The following SEMA5A variants were observed in gnomAD, a reference collection of about 807,000 sequenced individuals.
The protein encoded by SEMA5A is semaphorin 5A.
In SEMA5A, 55 loss-of-function variants were observed where a neutral mutation model predicts 135.5. The ratio of observed to expected loss-of-function variants is 0.41; its 90% confidence interval spans 0.33 to 0.51. SEMA5A has a LOEUF of 0.51. Among genes scored for constraint, SEMA5A ranks in the 20% least tolerant of loss-of-function variants. SEMA5A has a pLI of 0.37. For synonymous variants in SEMA5A, 580 were observed against 546.5 expected (o/e 1.06, Z -0.85); for missense variants, 1,290 against 1,419.9 (o/e 0.91, Z 1.47).
At chr5:9,077,347 G>A (rs182324932) in intron 16 of SEMA5A, among the ~76,000 whole-genome samples, 224 of 152,240 alleles carry the variant, frequency 1.5e-3, no homozygotes, top group African/African-American at 4.3e-3. Flanking sequence ...CTCAGTATAC[G>A]CTAGTTACTC....
intron 2 of SEMA5A, among the ~76,000 whole-genome samples, chr5:9,404,526 A>G (rs1756800957): frequency 6.6e-6 from 1 of 152,232 alleles, no homozygotes; most frequent in African/African-American, 2.4e-5. Flanking sequence ...TGCGAAGGCT[A>G]AATCATTTAT....
In SEMA5A at chr5:9,204,835, C is replaced by T. The variant is rs941714071; in HGVS notation, c.647-2595G>A. Among the ~76,000 whole-genome samples, 25 of 152,272 alleles carry T rather than the reference C, an allele frequency of 1.6e-4. No homozygotes were observed. The highest frequency in any genetic ancestry group is 3.1e-4 in the African/African-American group (13 of 41,562). On this transcript the variant is annotated intron_variant, in intron 8 of 22. Transcript: ENST00000382496. This position sits in a 1 kb window ranked among gnomAD's most constrained non-coding sequence, Gnocchi z 6.4. ...ATGTTACCTCCTGAGCTCCGCCTCC[C>T]GTCAGATCAGTGGCAGCATTAAATT... is the stretch of plus-strand genomic sequence containing the variant.
chr5:9,162,796 A>C (rs981128632), intron 11 of SEMA5A, among the ~76,000 whole-genome samples: 1 of 152,030 alleles, frequency 6.6e-6, no homozygotes, highest in African/African-American at 2.4e-5. Flanking sequence ...GAAGGGACGT[A>C]AAACAATATT....
At chr5:9,344,112 C>G (rs1344721563) in intron 3 of SEMA5A, among the ~76,000 whole-genome samples, 1 of 152,190 alleles carries the variant, frequency 6.6e-6, no homozygotes, top group East Asian at 1.9e-4. Flanking sequence ...CTTACTTATA[C>G]TTCTTTATTT....
intron 1 of SEMA5A, among the ~76,000 whole-genome samples, chr5:9,441,873 G>A (rs1470470362): frequency 6.6e-6 from 1 of 152,170 alleles, no homozygotes; most frequent in African/African-American, 2.4e-5. Flanking sequence ...AGATTGTAGG[G>A]AATGTTAACA....
chr5:9,332,154 T>C (rs1753168281), intron 4 of SEMA5A, among the ~76,000 whole-genome samples: 3 of 151,750 alleles, frequency 2.0e-5, no homozygotes, highest in South Asian at 4.2e-4. Flanking sequence ...GTGCAAAGTG[T>C]GCAGTATGGA....
intron 2 of SEMA5A, among the ~76,000 whole-genome samples, chr5:9,406,246 C>T (rs535418271): frequency 4.6e-5 from 7 of 152,184 alleles, no homozygotes; most frequent in East Asian, 3.9e-4. Flanking sequence ...GCAGAGGCAG[C>T]GATACTAATT....
At chr5:9,227,596 G>T (rs990023101) in intron 6 of SEMA5A, among the ~76,000 whole-genome samples, 1 of 145,442 alleles carries the variant, frequency 6.9e-6, no homozygotes, top group African/African-American at 2.5e-5. Context: ...TGTCGCCCAG[G>T]CTGGAGTGCC....
At chr5:9,146,789 A>T (rs1034799056) in intron 12 of SEMA5A, among the ~76,000 whole-genome samples, 1 of 152,190 alleles carries the variant, frequency 6.6e-6, no homozygotes, top group Non-Finnish European at 1.5e-5. Flanking sequence ...GAGTTCAATA[A>T]ATATAATATA....
intron 10 of SEMA5A, among the ~76,000 whole-genome samples, chr5:9,192,769 A>C (rs1806125): frequency 0.12 from 18,788 of 152,194 alleles, 1,966 homozygotes; most frequent in East Asian, 0.29. Context: ...GGTGGTTTAC[A>C]TTCCTGAAAT....
intron 4 of SEMA5A, among the ~76,000 whole-genome samples, chr5:9,330,226 T>C (rs866854987): frequency 6.6e-5 from 10 of 151,918 alleles, no homozygotes; most frequent in South Asian, 2.1e-4. Context: ...CCGCCTCTAC[T>C]AAAAATACAA....
At chr5:9,307,487 CTTTTT>C (rs552062653) in intron 5 of SEMA5A, among the ~76,000 whole-genome samples, 1 of 144,896 alleles carries the variant, frequency 6.9e-6, no homozygotes, top group African/African-American at 2.5e-5. Flanking sequence ...GCCAATGTGA[CTTTTT>C]TTTTTTTCAT....
intron 3 of SEMA5A, among the ~76,000 whole-genome samples, chr5:9,351,732 A>G (rs1363501025): frequency 6.6e-6 from 1 of 152,224 alleles, no homozygotes; most frequent in Non-Finnish European, 1.5e-5. Context: ...TCATTGTGAA[A>G]TACACCCACA....
intron 2 of SEMA5A, among the ~76,000 whole-genome samples, chr5:9,399,343 T>A (rs1326264656): frequency 6.6e-6 from 1 of 152,166 alleles, no homozygotes; most frequent in African/African-American, 2.4e-5. Flanking sequence ...GAAAACATGA[T>A]AAGTGAAAGA....
At chr5:9,161,038 A>G (rs1743224711) in intron 11 of SEMA5A, among the ~76,000 whole-genome samples, 1 of 152,188 alleles carries the variant, frequency 6.6e-6, no homozygotes, top group African/African-American at 2.4e-5. Flanking sequence ...TCCCCATCCC[A>G]CAGGAAAACG....
chr5:9,118,538 C>T (rs1316738246), intron 15 of SEMA5A, among the ~76,000 whole-genome samples: 1 of 152,046 alleles, frequency 6.6e-6, no homozygotes, highest in Non-Finnish European at 1.5e-5. Flanking sequence ...CTGAATATGC[C>T]CTCCCATGCC....
At chr5:9,479,530 C>G (rs1014270472) in intron 1 of SEMA5A, among the ~76,000 whole-genome samples, 5 of 152,166 alleles carry the variant, frequency 3.3e-5, no homozygotes. Flanking sequence ...GCTTCCTCAT[C>G]TGTAACATCT....
intron 8 of SEMA5A, among the ~76,000 whole-genome samples, chr5:9,210,366 C>T (rs1459123026): frequency 6.6e-6 from 1 of 152,172 alleles, no homozygotes; most frequent in Admixed American, 6.5e-5. Flanking sequence ...ACTCATGTCA[C>T]TTAACCACAC....
intron 16 of SEMA5A, among the ~76,000 whole-genome samples, chr5:9,097,667 G>C (rs1417015091): frequency 6.6e-6 from 1 of 152,216 alleles, no homozygotes; most frequent in Non-Finnish European, 1.5e-5. Context: ...ACAGGTTTCA[G>C]ATTGGGATCC....
Sources: allele counts gnomAD v4.1 joint callset (sites outside exome capture counted in the v4.1 genomes callset), GRCh38; gene constraint gnomAD v4.1.1; non-coding constraint Gnocchi (gnomAD v3.1); transcripts MANE v1.5; gene names NCBI Gene and HGNC (gene_info 2026-07-23, HGNC 2026-07-21).